SGCZ: variants seen among roughly 807,000 people sequenced by gnomAD.
SGCZ encodes zeta-sarcoglycan.
In SGCZ, 40 loss-of-function variants were observed where a neutral mutation model predicts 41.3. The observed-to-expected ratio is 0.97, with a 90% CI of 0.75 to 1.26. SGCZ has a LOEUF of 1.26. Ranked by LOEUF, SGCZ falls within the 50% of genes most tolerant of loss-of-function variation. The pLI is 0.00. For synonymous variants in SGCZ, 206 were observed against 137.5 expected (o/e 1.50, Z -3.49); for missense variants, 552 against 369.8 (o/e 1.49, Z -4.04).
intron 5 of SGCZ, among the ~76,000 whole-genome samples, chr8:14,147,776 G>C (rs1803572466): frequency 6.6e-6 from 1 of 151,980 alleles, no homozygotes; most frequent in Non-Finnish European, 1.5e-5. Flanking sequence ...CTCAGCATGT[G>C]GATCATTATC....
In SGCZ at chr8:14,794,184, CA is replaced by C. The variant is rs941355044; in HGVS notation, c.40-239259del. On this transcript the variant is annotated intron_variant, in intron 1 of 7. Coordinates refer to ENST00000382080, the MANE Select transcript of SGCZ (RefSeq NM_139167.4). ...CTTCTACTCAGTCACGATTAGACAC[CA>C]ATAAAAAATTATCCAAACCAAAGTC... Among the ~76,000 whole-genome samples, 15 of 152,058 alleles carry C rather than the reference CA, an allele frequency of 9.9e-5. No homozygotes were observed. The South Asian group carries it at 2.3e-3, about 23-fold the overall frequency.
At chr8:15,101,664 C>A (rs1806619291) in intron 1 of SGCZ, among the ~76,000 whole-genome samples, 1 of 152,150 alleles carries the variant, frequency 6.6e-6, no homozygotes, top group African/African-American at 2.4e-5. Flanking sequence ...GGAGCGGTGG[C>A]TCACGCATGT....
At chr8:14,781,813 A>G (rs1237184422) in intron 1 of SGCZ, among the ~76,000 whole-genome samples, 1 of 152,178 alleles carries the variant, frequency 6.6e-6, no homozygotes, top group Non-Finnish European at 1.5e-5. Context: ...ATTAACCTAT[A>G]GTTGGGCAAA....
At chr8:14,569,898 A>C (rs2117228226) in intron 1 of SGCZ, among the ~76,000 whole-genome samples, 1 of 151,016 alleles carries the variant, frequency 6.6e-6, no homozygotes, top group South Asian at 2.1e-4. Context: ...CAAATGCCAA[A>C]GTGAGGCCAA....
At chr8:14,094,826 T>G (rs1485790404) in intron 7 of SGCZ, among the ~76,000 whole-genome samples, 1 of 152,152 alleles carries the variant, frequency 6.6e-6, no homozygotes, top group Non-Finnish European at 1.5e-5. Flanking sequence ...ATGATCACCA[T>G]TCTAACTGGC....
intron 3 of SGCZ, among the ~76,000 whole-genome samples, chr8:14,248,393 G>C (rs1379080625): frequency 2.0e-5 from 3 of 152,110 alleles, no homozygotes; most frequent in Non-Finnish European, 2.9e-5. Context: ...TGTGTAGAGA[G>C]TATCCCAGAT....
At chr8:14,301,018 A>G (rs1801166458) in intron 3 of SGCZ, among the ~76,000 whole-genome samples, 1 of 151,708 alleles carries the variant, frequency 6.6e-6, no homozygotes, top group African/African-American at 2.4e-5. Flanking sequence ...AAGATTCGAC[A>G]CCCCCACTTA....
chr8:14,984,846 C>T (rs1485515408), intron 1 of SGCZ, among the ~76,000 whole-genome samples: 5 of 152,018 alleles, frequency 3.3e-5, no homozygotes, highest in African/African-American at 7.2e-5. Flanking sequence ...TGTTTTGGGA[C>T]GTTTTCAATA....
chr8:14,479,737 T>TTTTTTTTTC (rs1801474085), intron 2 of SGCZ, among the ~76,000 whole-genome samples: 1 of 17,364 alleles, frequency 5.8e-5, no homozygotes, highest in South Asian at 2.3e-3. Context: ...ACTTCTTTTT[T>TTTTTTTTTC]TTTTTTTTTT....
chr8:15,232,182 C>T (rs1054523577), intron 1 of SGCZ, among the ~76,000 whole-genome samples: 1 of 152,138 alleles, frequency 6.6e-6, no homozygotes, highest in Non-Finnish European at 1.5e-5. Flanking sequence ...TGTATTTTAG[C>T]TGAAATTCTG....
At chr8:14,649,273 C>T (rs762651313) in intron 1 of SGCZ, among the ~76,000 whole-genome samples, 5 of 152,062 alleles carry the variant, frequency 3.3e-5, no homozygotes, top group Admixed American at 6.6e-5. Flanking sequence ...GGTAGAAATA[C>T]GCTCACTGTG....
chr8:14,247,006 GA>G (rs1799120125), intron 3 of SGCZ, among the ~76,000 whole-genome samples: 1 of 151,650 alleles, frequency 6.6e-6, no homozygotes, highest in African/African-American at 2.4e-5. Flanking sequence ...TATGTTAAAG[GA>G]AGAAGTGCTT....
At chr8:14,823,489 T>G (rs189699261) in intron 1 of SGCZ, among the ~76,000 whole-genome samples, 2 of 152,264 alleles carry the variant, frequency 1.3e-5, no homozygotes, top group Admixed American at 1.3e-4. Context: ...GCTCAACATT[T>G]CTAATCGTCA....
intron 1 of SGCZ, among the ~76,000 whole-genome samples, chr8:14,796,254 T>G (rs1488117968): frequency 1.3e-5 from 2 of 152,146 alleles, no homozygotes; most frequent in Non-Finnish European, 2.9e-5. Flanking sequence ...CACTCCACAA[T>G]CTTCCAGAAT....
intron 2 of SGCZ, among the ~76,000 whole-genome samples, chr8:14,329,001 C>A (rs139118688): frequency 1.3e-5 from 2 of 152,290 alleles, no homozygotes; most frequent in Admixed American, 6.5e-5. Context: ...GACAACACAA[C>A]CTGCTAGTGC....
intron 1 of SGCZ, among the ~76,000 whole-genome samples, chr8:14,838,453 TACCCCAGAAG>T (rs1802781517): frequency 6.6e-6 from 1 of 152,138 alleles, no homozygotes; most frequent in Non-Finnish European, 1.5e-5. Flanking sequence ...CTGGCTCATG[TACCCCAGAAG>T]ACAATATTCC....
intron 1 of SGCZ, among the ~76,000 whole-genome samples, chr8:14,938,789 G>A (rs1800168322): frequency 6.6e-6 from 1 of 152,072 alleles, no homozygotes; most frequent in Admixed American, 6.6e-5. Context: ...TTATAAGTAG[G>A]AGATAAGCTG....
chr8:14,501,374 G>C (rs1458073955), intron 2 of SGCZ, among the ~76,000 whole-genome samples: 2 of 151,644 alleles, frequency 1.3e-5, no homozygotes, highest in Non-Finnish European at 2.9e-5. Flanking sequence ...CAGTTTCTGG[G>C]GAAGTCGATA....
intron 6 of SGCZ, 80 bp from the exon 7 acceptor site, chr8:14,102,579 A>T (rs1015699117): frequency 1.8e-5 from 22 of 1,209,544 alleles, no homozygotes; most frequent in Non-Finnish European, 2.0e-5. Flanking sequence ...ATTTTTGATA[A>T]ACTAGAAGAC....
Sources: gnomAD v4.1 joint callset for allele counts (sites outside exome capture counted in the v4.1 genomes callset) on GRCh38, gnomAD v4.1.1 for gene constraint, MANE v1.5 for transcripts, NCBI Gene and HGNC (gene_info 2026-07-23, HGNC 2026-07-21) for gene names.